LDLRAP1: variants seen among roughly 807,000 people sequenced by gnomAD.
LDLRAP1 encodes low density lipoprotein receptor adaptor protein 1.
LDLRAP1 carries 30 observed loss-of-function variants against 37.8 expected under a neutral mutation model. That is an observed-to-expected ratio of 0.79 (90% confidence interval 0.59 to 1.08). LDLRAP1 has a LOEUF of 1.08. Ranked by LOEUF, LDLRAP1 falls within the 50% of genes least tolerant of loss-of-function variation. The pLI is 0.00. For synonymous variants in LDLRAP1, 156 were observed against 169.8 expected (o/e 0.92, Z 0.63); for missense variants, 375 against 401.6 (o/e 0.93, Z 0.57).
At chr1:25,570,145 T>C (rs760427458), downstream of LDLRAP1, among the ~76,000 whole-genome samples, 1 of 152,160 alleles carries the variant, frequency 6.6e-6, no homozygotes, top group Non-Finnish European at 1.5e-5. Flanking sequence ...TCAGGCTGAC[T>C]CCCTGTGAAT....
the LDLRAP1 span, among the ~76,000 whole-genome samples, chr1:25,576,994 T>C: frequency 6.6e-6 from 1 of 152,186 alleles, no homozygotes; most frequent in African/African-American, 2.4e-5. Context: ...TTCTGCCCGG[T>C]GCAGGGAGCC....
intron 6 of LDLRAP1, 32 bp downstream of exon 6, chr1:25,563,185 T>C (rs749604694): frequency 6.3e-7 from 1 of 1,595,374 alleles, no homozygotes; most frequent in South Asian, 1.1e-5. Flanking sequence ...GGATTGGCCA[T>C]GCGGTGTTGG....
chr1:25,559,155 C>T (rs1464165259), intron 4 of LDLRAP1, among the ~76,000 whole-genome samples: 1 of 152,178 alleles, frequency 6.6e-6, no homozygotes, highest in Non-Finnish European at 1.5e-5. Context: ...ACAGATGTGA[C>T]TCGTGGCTTT....
chr1:25,569,639 A>G (rs1214629196), downstream of LDLRAP1, among the ~76,000 whole-genome samples: 1 of 152,258 alleles, frequency 6.6e-6, no homozygotes, highest in Non-Finnish European at 1.5e-5. Flanking sequence ...ACCAAAGGCA[A>G]CTGGAACTCA....
chr1:25,581,010 T>G, the LDLRAP1 span, among the ~76,000 whole-genome samples: 1 of 152,158 alleles, frequency 6.6e-6, no homozygotes, highest in Non-Finnish European at 1.5e-5. Flanking sequence ...TCTGTTGGCC[T>G]TAGCAAAAGC....
Position 25,567,025 on chromosome 1 carries a change from G to C in LDLRAP1, c.*33G>C. On this transcript the variant is annotated 3_prime_UTR_variant, in exon 9 of 9. Transcript: ENST00000374338. ...GGGCCAGCCGGACACAAGCGGCCCT[G>C]ACACGTGATGGACCAAAGCCACCTG... The C allele has an allele frequency of 1.2e-6, 2 of 1,612,646 alleles. No homozygotes were observed. Among genetic ancestry groups the C allele is most frequent in the Non-Finnish European group, 1.7e-6 (2 of 1,179,784 alleles).
intron 1 of LDLRAP1, among the ~76,000 whole-genome samples, chr1:25,553,038 C>G (rs1293637526): frequency 6.6e-6 from 1 of 152,152 alleles, no homozygotes. Context: ...TCTCCTCTCC[C>G]CACCCACCCT....
At chr1:25,549,526 A>G (rs2044019780) in intron 1 of LDLRAP1, among the ~76,000 whole-genome samples, 2 of 152,212 alleles carry the variant, frequency 1.3e-5, no homozygotes, top group Admixed American at 6.5e-5. Flanking sequence ...TAGACCTTAG[A>G]CCAGGCATAT....
chr1:25,563,022 A>G (rs368880378), intron 5 of LDLRAP1, 48 bp from the exon 6 acceptor site: 6 of 1,553,248 alleles, frequency 3.9e-6, no homozygotes, highest in Non-Finnish European at 5.3e-6. Context: ...TGCTGGGGAC[A>G]GAGTGCTGGG....
At chr1:25,546,714 C>T (rs1330446562) in intron 1 of LDLRAP1, among the ~76,000 whole-genome samples, 4 of 152,098 alleles carry the variant, frequency 2.6e-5, no homozygotes, top group Admixed American at 6.5e-5. Context: ...AAAGCTAGTT[C>T]ATGGTGGAAG....
intron 5 of LDLRAP1, 91 bp downstream of exon 5, chr1:25,562,807 A>T (rs2044375034): frequency 8.7e-7 from 1 of 1,143,014 alleles, no homozygotes; most frequent in South Asian, 1.3e-5. Context: ...TTCCTGCCTC[A>T]TCACCCACCT....
chr1:25,557,462 C>T (rs1034757683), intron 4 of LDLRAP1, 195 bp downstream of exon 4: 1 of 603,824 alleles, frequency 1.7e-6, no homozygotes, highest in East Asian at 2.8e-5. Flanking sequence ...GGCAGGTGAA[C>T]CGCCGGTCAG....
chr1:25,569,429 T>C (rs1194670577), downstream of LDLRAP1, among the ~76,000 whole-genome samples: 14 of 152,072 alleles, frequency 9.2e-5, no homozygotes. Flanking sequence ...TTCAGTGTCT[T>C]GAGAGACTCA....
rs540665421 is a variant in LDLRAP1, at chr1:25,567,253, C to T, written c.*261C>T. On this transcript the variant is annotated 3_prime_UTR_variant, in exon 9 of 9. Coordinates refer to ENST00000374338, the MANE Select transcript of LDLRAP1 (RefSeq NM_015627.3). The stretch of plus-strand genomic sequence containing the variant: ...CTCAGAAGCCAGTCTGCGTCAGGCA[C>T]GTCTCCTGCTGCGTGACATGTGCAG... The T allele has an allele frequency of 2.0e-5, 11 of 538,838 alleles. No individual in the cohort carries two copies. The highest frequency in any genetic ancestry group is 1.7e-4 in the East Asian group (5 of 30,216). The allele number at this position is 538,838 out of a possible 1,614,324, so 33.4% of individuals were successfully genotyped here.
chr1:25,577,479 G>A, the LDLRAP1 span, among the ~76,000 whole-genome samples: 1 of 152,180 alleles, frequency 6.6e-6, no homozygotes, highest in Non-Finnish European at 1.5e-5. Context: ...GGGAACAGAC[G>A]AGGAGCCAGA....
In LDLRAP1 at chr1:25,554,126, G is replaced by A. The variant is rs115248620; in HGVS notation, c.231+62G>A. ...GACCAAGGACCAGCTTCTTCCCAGGGTGCCCTCGTCCCAGCTTGTTACTCC... is the reference window on the plus strand; with the variant it reads ...GACCAAGGACCAGCTTCTTCCCAGGATGCCCTCGTCCCAGCTTGTTACTCC... On this transcript the variant is annotated intron_variant, in intron 2 of 8. Coordinates refer to ENST00000374338, the MANE Select transcript of LDLRAP1 (RefSeq NM_015627.3). The surrounding 1 kb of genome is among the most constrained non-coding windows in gnomAD (Gnocchi z 5.4). The A allele has an allele frequency of 1.4e-3, 2,176 of 1,599,118 alleles. 23 individuals carry two copies. In the African/African-American group the frequency reaches 0.025, roughly 19 times the overall value.
At chr1:25,570,750 T>C (rs1190273066), downstream of LDLRAP1, among the ~76,000 whole-genome samples, 1 of 151,924 alleles carries the variant, frequency 6.6e-6, no homozygotes, top group Non-Finnish European at 1.5e-5. Flanking sequence ...TCCCAGCTAC[T>C]TGGGAGGCTG....
the LDLRAP1 span, among the ~76,000 whole-genome samples, chr1:25,574,091 G>T: frequency 6.6e-6 from 1 of 152,242 alleles, no homozygotes; most frequent in Non-Finnish European, 1.5e-5. Context: ...CAGAGTGCTG[G>T]AGGAGGTAGG....
chr1:25,588,540 T>C, the LDLRAP1 span, among the ~76,000 whole-genome samples: 2 of 152,210 alleles, frequency 1.3e-5, no homozygotes, highest in East Asian at 1.9e-4. Flanking sequence ...TTGTTTATGA[T>C]GCAGAGACCT....
Sources: allele counts gnomAD v4.1 joint callset (sites outside exome capture counted in the v4.1 genomes callset), GRCh38; gene constraint gnomAD v4.1.1; non-coding constraint Gnocchi (gnomAD v3.1); transcripts MANE v1.5; gene names NCBI Gene and HGNC (gene_info 2026-07-23, HGNC 2026-07-21).